The following PDE4D variants were observed in gnomAD, a reference collection of about 807,000 sequenced individuals.
The protein encoded by PDE4D is 3',5'-cyclic-AMP phosphodiesterase 4D.
A neutral mutation model predicts 87.4 loss-of-function variants in PDE4D; 24 were observed. That is an observed-to-expected ratio of 0.27 (90% confidence interval 0.20 to 0.39). PDE4D has a LOEUF of 0.39. Ranked by LOEUF, PDE4D falls within the 10% of genes least tolerant of loss-of-function variation. PDE4D has a pLI of 1.00. For missense variants in PDE4D, 714 were observed against 1,041.0 expected (o/e 0.69, Z 4.32); for synonymous variants, 384 against 383.2 (o/e 1.00, Z -0.02).
intron 1 of PDE4D, among the ~76,000 whole-genome samples, chr5:60,375,621 T>C (rs189671666): frequency 1.1e-3 from 163 of 151,836 alleles, no homozygotes; most frequent in Admixed American, 2.4e-3. Flanking sequence ...ACAAAAGGAG[T>C]CTCTTCCCTA....
At chr5:59,332,665 T>C (rs1776946753) in intron 1 of PDE4D, among the ~76,000 whole-genome samples, 1 of 152,256 alleles carries the variant, frequency 6.6e-6, no homozygotes. Flanking sequence ...TCATCCTTGC[T>C]ATCTTTATTA....
chr5:59,017,121 G>C (rs1754167422), intron 6 of PDE4D, among the ~76,000 whole-genome samples: 1 of 152,158 alleles, frequency 6.6e-6, no homozygotes, highest in African/African-American at 2.4e-5. Context: ...ACAGGTCTAC[G>C]GAATGAGAGC....
chr5:59,904,953 G>A (rs945147564), intron 3 of PDE4D, among the ~76,000 whole-genome samples: 10 of 152,020 alleles, frequency 6.6e-5, no homozygotes, highest in South Asian at 2.1e-4. Context: ...CACAAGTCAC[G>A]GCAGACTCTC....
At chr5:59,299,385 C>A (rs751657220) in intron 1 of PDE4D, among the ~76,000 whole-genome samples, 1 of 152,282 alleles carries the variant, frequency 6.6e-6, no homozygotes, top group African/African-American at 2.4e-5. Context: ...TCTGTGGGAA[C>A]GGACTTGATG....
At chr5:60,207,590 T>C (rs868858482) in intron 1 of PDE4D, among the ~76,000 whole-genome samples, 4 of 152,224 alleles carry the variant, frequency 2.6e-5, no homozygotes, top group Non-Finnish European at 4.4e-5. Context: ...TCAGTTCAAA[T>C]AGGAATAATG....
chr5:60,412,382 A>G (rs1352864036), intron 1 of PDE4D, among the ~76,000 whole-genome samples: 1 of 152,194 alleles, frequency 6.6e-6, no homozygotes, highest in East Asian at 1.9e-4. Flanking sequence ...ACCAGTCAAT[A>G]TCTTTTTAGA....
intron 5 of PDE4D, among the ~76,000 whole-genome samples, chr5:59,086,379 T>G (rs1767686206): frequency 6.6e-6 from 1 of 152,154 alleles, no homozygotes; most frequent in Non-Finnish European, 1.5e-5. Flanking sequence ...TCCATCAAAT[T>G]TTTCTAACAA....
At chr5:59,356,572 C>T (rs1781402876) in intron 1 of PDE4D, among the ~76,000 whole-genome samples, 1 of 152,180 alleles carries the variant, frequency 6.6e-6, no homozygotes, top group Non-Finnish European at 1.5e-5. Context: ...CAACTTCCTT[C>T]AACTTCTGCA....
At chr5:59,953,639 G>A (rs1758528916) in intron 3 of PDE4D, among the ~76,000 whole-genome samples, 1 of 152,100 alleles carries the variant, frequency 6.6e-6, no homozygotes, top group South Asian at 2.1e-4. Context: ...TACAAAGGCT[G>A]GGCAGGCCCA....
At chr5:60,051,961 G>A (rs1182678708) in intron 2 of PDE4D, among the ~76,000 whole-genome samples, 1 of 152,068 alleles carries the variant, frequency 6.6e-6, no homozygotes, top group Non-Finnish European at 1.5e-5. Flanking sequence ...TAAATTCCTG[G>A]ACACATACAC....
At chr5:59,557,647 T>C (rs904352210) in intron 1 of PDE4D, among the ~76,000 whole-genome samples, 5 of 152,216 alleles carry the variant, frequency 3.3e-5, no homozygotes, top group African/African-American at 1.2e-4. Flanking sequence ...CACTAACAAC[T>C]GTAGGTGATG....
chr5:60,208,337 T>C (rs1194187278), intron 1 of PDE4D, among the ~76,000 whole-genome samples: 1 of 152,126 alleles, frequency 6.6e-6, no homozygotes, highest in African/African-American at 2.4e-5. Context: ...AGCCTGTAAG[T>C]GTCTGGAAGT....
chr5:60,322,355 T>C (rs1756356230), intron 1 of PDE4D, among the ~76,000 whole-genome samples: 1 of 142,840 alleles, frequency 7.0e-6, no homozygotes, highest in African/African-American at 2.7e-5. Context: ...ATTGAATATA[T>C]ATGGACACAC....
At chr5:60,371,860 G>C (rs1050128693) in intron 1 of PDE4D, among the ~76,000 whole-genome samples, 2 of 152,058 alleles carry the variant, frequency 1.3e-5, no homozygotes, top group Non-Finnish European at 2.9e-5. Context: ...TTGCTACTGC[G>C]TGTTTCATTT....
chr5:59,763,184 G>A (rs911795896), intron 1 of PDE4D, among the ~76,000 whole-genome samples: 2 of 151,692 alleles, frequency 1.3e-5, no homozygotes, highest in African/African-American at 4.8e-5. Flanking sequence ...TGGGGTCAGG[G>A]GAGCGGGTAG....
intron 1 of PDE4D, among the ~76,000 whole-genome samples, chr5:59,460,072 A>G (rs1220152268): frequency 6.6e-6 from 1 of 151,366 alleles, no homozygotes; most frequent in East Asian, 1.9e-4. Flanking sequence ...TGGAAAAAAT[A>G]CAGAAAATAG....
intron 1 of PDE4D, among the ~76,000 whole-genome samples, chr5:59,663,159 TTTTC>T (rs1326354071): frequency 2.6e-5 from 4 of 152,118 alleles, no homozygotes; most frequent in South Asian, 2.1e-4. Flanking sequence ...CTGCTGATAT[TTTTC>T]TTTGTTTTTT....
intron 2 of PDE4D, among the ~76,000 whole-genome samples, chr5:60,075,405 G>T (rs1445129393): frequency 1.3e-5 from 2 of 152,112 alleles, no homozygotes; most frequent in Non-Finnish European, 2.9e-5. Context: ...TCCCTTTGTA[G>T]GTGGCCTGTC....
intron 5 of PDE4D, among the ~76,000 whole-genome samples, chr5:59,070,969 T>A (rs1394204737): frequency 6.6e-6 from 1 of 152,174 alleles, no homozygotes; most frequent in Non-Finnish European, 1.5e-5. Context: ...CTTGTTTTGG[T>A]GAGCACGTTT....
Sources: gnomAD v4.1 joint callset for allele counts (sites outside exome capture counted in the v4.1 genomes callset) on GRCh38, gnomAD v4.1.1 for gene constraint, MANE v1.5 for transcripts, NCBI Gene and HGNC (gene_info 2026-07-23, HGNC 2026-07-21) for gene names.